ZNF609: variants seen among roughly 807,000 people sequenced by gnomAD.
The protein encoded by ZNF609 is zinc finger protein 609.
ZNF609 carries 11 observed loss-of-function variants against 109.5 expected under a neutral mutation model. The ratio of observed to expected loss-of-function variants is 0.10; its 90% CI spans 0.06 to 0.17. The LOEUF (loss-of-function observed/expected upper bound fraction) is 0.17. ZNF609 is among the 10% of genes least tolerant of loss of function. The pLI is 1.00. For synonymous variants in ZNF609, 646 were observed against 662.0 expected (o/e 0.98, Z 0.37); for missense variants, 1,559 against 1,772.4 (o/e 0.88, Z 2.16).
chr15:64,488,121 T>C (rs1482297179), intron 1 of ZNF609, among the ~76,000 whole-genome samples: 1 of 152,206 alleles, frequency 6.6e-6, no homozygotes, highest in Non-Finnish European at 1.5e-5. Context: ...TTAGGAATTT[T>C]AAGAAATATG....
intron 6 of ZNF609, among the ~76,000 whole-genome samples, chr15:64,679,781 A>T (rs1896856339): frequency 6.6e-6 from 1 of 152,214 alleles, no homozygotes; most frequent in African/African-American, 2.4e-5. Flanking sequence ...TTTGATGATG[A>T]AGAAACTGAA....
Position 64,685,691 on chromosome 15 carries a change from A to T in ZNF609, c.*4005A>T, listed in dbSNP as rs1238615691. 6.6e-6 allele frequency: 1 copy of T among 152,568 alleles called. No homozygotes were observed. The highest frequency in any genetic ancestry group is 1.5e-5 in the Non-Finnish European group (1 of 68,064). The allele number at this position is 152,568 out of a possible 1,614,324, so 9.5% of individuals were successfully genotyped here. ...TTTGCACTATTTAAACCTGCCTGGG[A>T]GTTAGGACGGATGGTTTTAGGAATG... On this transcript the variant is annotated 3_prime_UTR_variant, in exon 10 of 10. Coordinates refer to ENST00000326648, the MANE Select transcript of ZNF609 (RefSeq NM_015042.2).
At chr15:64,650,170 G>C (rs148741364) in intron 3 of ZNF609, among the ~76,000 whole-genome samples, 2 of 151,046 alleles carry the variant, frequency 1.3e-5, no homozygotes, top group Non-Finnish European at 2.9e-5. Context: ...TTGGGAGGCC[G>C]AGGCCGGTGG....
chr15:64,566,256 C>G (rs919148006), intron 2 of ZNF609, among the ~76,000 whole-genome samples: 1 of 152,134 alleles, frequency 6.6e-6, no homozygotes, highest in Non-Finnish European at 1.5e-5. Context: ...CTTGAGCCCA[C>G]GAGTTTAAGA....
At chr15:64,510,973 T>C (rs1893717355) in intron 2 of ZNF609, among the ~76,000 whole-genome samples, 1 of 146,080 alleles carries the variant, frequency 6.8e-6, no homozygotes, top group South Asian at 2.1e-4. Context: ...ATTTTACAAG[T>C]TTCCACATAG....
intron 3 of ZNF609, among the ~76,000 whole-genome samples, chr15:64,656,101 T>TCACCCAGG (rs1310297361): frequency 4.6e-5 from 7 of 152,096 alleles, no homozygotes; most frequent in Non-Finnish European, 1.0e-4. Context: ...TCTCACTCTG[T>TCACCCAGG]CACCCAGGCT....
intron 2 of ZNF609, chr15:64,529,458 T>G: frequency 1.0e-6 from 1 of 987,250 alleles, no homozygotes; most frequent in Non-Finnish European, 1.6e-6. Context: ...TGATGGGGTT[T>G]CCATTGATGA....
rs80278624 is a variant in ZNF609 at position 64,509,966 on chromosome 15, T to A, written c.747+9800T>A. On this transcript the variant is annotated intron_variant, in intron 2 of 9. Coordinates refer to ENST00000326648, the MANE Select transcript of ZNF609 (RefSeq NM_015042.2). Reference sequence around the variant, plus strand: ...ACCTTATCCTTGTTTTTGCTCTCTGTGATTTCAGTTACCCTCAGACAACCA... The same window carrying A: ...ACCTTATCCTTGTTTTTGCTCTCTGAGATTTCAGTTACCCTCAGACAACCA... Among the ~76,000 whole-genome samples, 4 of 152,296 alleles carry A rather than the reference T, an allele frequency of 2.6e-5. No homozygotes were observed. In the East Asian group the frequency reaches 7.7e-4, roughly 29 times the overall value.
intron 2 of ZNF609, among the ~76,000 whole-genome samples, chr15:64,604,907 C>G (rs142304572): frequency 6.6e-6 from 1 of 152,130 alleles, no homozygotes; most frequent in Admixed American, 6.6e-5. Flanking sequence ...TCTTGGCTCA[C>G]TGCAAACTCC....
At chr15:64,610,368 A>G in intron 2 of ZNF609, among the ~76,000 whole-genome samples, 1 of 152,188 alleles carries the variant, frequency 6.6e-6, no homozygotes, top group East Asian at 1.9e-4. Flanking sequence ...ATTAGGAAAA[A>G]TAACTAATAT....
At chr15:64,666,326 G>A (rs768162838) in intron 3 of ZNF609, among the ~76,000 whole-genome samples, 4 of 152,070 alleles carry the variant, frequency 2.6e-5, no homozygotes, top group South Asian at 2.1e-4. Flanking sequence ...CCTGGGAGGC[G>A]GAGGTTGCAG....
intron 2 of ZNF609, among the ~76,000 whole-genome samples, chr15:64,611,063 A>G (rs929509202): frequency 5.3e-5 from 8 of 152,164 alleles, no homozygotes; most frequent in African/African-American, 1.9e-4. Flanking sequence ...AGTAAAGATG[A>G]CACACTTAAG....
At chr15:64,541,426 C>CAAAA (rs34461479) in intron 2 of ZNF609, among the ~76,000 whole-genome samples, 1 of 67,848 alleles carries the variant, frequency 1.5e-5, no homozygotes, top group Non-Finnish European at 3.2e-5. Context: ...GACTCCGTCT[C>CAAAA]AAAAAAAAAA....
At chr15:64,658,551 C>A (rs1475681095) in intron 3 of ZNF609, among the ~76,000 whole-genome samples, 1 of 151,446 alleles carries the variant, frequency 6.6e-6, no homozygotes, top group Non-Finnish European at 1.5e-5. Flanking sequence ...ATAATCCCAG[C>A]ACTTTGAAAG....
At chr15:64,597,215 C>T (rs946069567) in intron 2 of ZNF609, among the ~76,000 whole-genome samples, 2 of 152,110 alleles carry the variant, frequency 1.3e-5, no homozygotes, top group Admixed American at 1.3e-4. Flanking sequence ...ACTTTGAGTG[C>T]CTCTTTTTCT....
At chr15:64,486,215 C>G (rs1482772233) in intron 1 of ZNF609, among the ~76,000 whole-genome samples, 4 of 152,108 alleles carry the variant, frequency 2.6e-5, no homozygotes, top group Non-Finnish European at 5.9e-5. Context: ...TTGACTTTTC[C>G]TAAAATTATT....
chr15:64,642,636 A>T (rs1018986013), intron 3 of ZNF609, among the ~76,000 whole-genome samples: 3 of 152,134 alleles, frequency 2.0e-5, no homozygotes, highest in African/African-American at 7.2e-5. Flanking sequence ...TCTACCAAAA[A>T]TCAAAAAAAT....
At chr15:64,494,643 G>C (rs982317226) in intron 1 of ZNF609, among the ~76,000 whole-genome samples, 10 of 151,990 alleles carry the variant, frequency 6.6e-5, no homozygotes, top group African/African-American at 2.4e-4. Flanking sequence ...TCCTACCTCA[G>C]CCTCCCAAGT....
intron 1 of ZNF609, among the ~76,000 whole-genome samples, chr15:64,492,224 C>A (rs1893423664): frequency 6.6e-6 from 1 of 152,034 alleles, no homozygotes; most frequent in South Asian, 2.1e-4. Context: ...GCCTGGGTGA[C>A]AGAGTGAGAC....
Sources: allele counts gnomAD v4.1 joint callset (sites outside exome capture counted in the v4.1 genomes callset), GRCh38; gene constraint gnomAD v4.1.1; transcripts MANE v1.5; gene names NCBI Gene and HGNC (gene_info 2026-07-23, HGNC 2026-07-21).